FMO1: variants seen among roughly 807,000 people sequenced by gnomAD.
FMO1 encodes the protein flavin-containing monooxygenase 1.
Under a neutral mutation model 45.4 loss-of-function variants are expected in FMO1, and 36 were observed. The observed-to-expected ratio is 0.79, with a 90% CI of 0.61 to 1.05. The LOEUF (loss-of-function observed/expected upper bound fraction) is 1.05, where lower values mean the gene tolerates loss of function less well. Among genes scored for constraint, FMO1 ranks in the 50% least tolerant of loss-of-function variants. The pLI is 0.00. For missense variants in FMO1, 615 were observed against 640.3 expected (o/e 0.96, Z 0.43); for synonymous variants, 228 against 227.2 (o/e 1.00, Z -0.03).
At chr1:171,279,224 T>A (rs562817752) in intron 5 of FMO1, among the ~76,000 whole-genome samples, 2 of 152,104 alleles carry the variant, frequency 1.3e-5, no homozygotes, top group East Asian at 3.9e-4. Context: ...CCCATTCCTC[T>A]CCTTATTAAT....
At chr1:171,278,366 T>C (rs1661197082) in intron 4 of FMO1, among the ~76,000 whole-genome samples, 1 of 152,252 alleles carries the variant, frequency 6.6e-6, no homozygotes, top group African/African-American at 2.4e-5. Context: ...GAAAAGCTTA[T>C]ATAAATCAAG....
intron 2 of FMO1, among the ~76,000 whole-genome samples, chr1:171,264,890 C>T (rs140828907): frequency 6.6e-6 from 1 of 151,712 alleles, no homozygotes; most frequent in Non-Finnish European, 1.5e-5. Flanking sequence ...CAGAGCGAGA[C>T]TCCATCTCAA....
At chr1:171,260,666 C>T (rs576770073) in intron 2 of FMO1, among the ~76,000 whole-genome samples, 1 of 151,996 alleles carries the variant, frequency 6.6e-6, no homozygotes, top group Non-Finnish European at 1.5e-5. Context: ...CACGGTGGCT[C>T]ACGCCTGTAA....
chr1:171,251,360 A>C (rs1054791229), intron 1 of FMO1, among the ~76,000 whole-genome samples: 5 of 151,196 alleles, frequency 3.3e-5, no homozygotes, highest in African/African-American at 1.2e-4. Context: ...ATGTACGTTT[A>C]TTCATCCATT....
chr1:171,284,926 T>G (rs552585629), intron 8 of FMO1, among the ~76,000 whole-genome samples: 1 of 152,196 alleles, frequency 6.6e-6, no homozygotes, highest in South Asian at 2.1e-4. Context: ...TATATTTTCC[T>G]CTAGAAATTG....
chr1:171,274,065 C>T (rs572365000), intron 3 of FMO1, among the ~76,000 whole-genome samples: 1 of 150,926 alleles, frequency 6.6e-6, no homozygotes, highest in South Asian at 2.1e-4. Context: ...AGGAGAATCT[C>T]TTGAACCAGG....
At chr1:171,283,075 C>A (rs1459684980) in intron 7 of FMO1, 69 bp from the exon 8 acceptor site, 1 of 820,884 alleles carries the variant, frequency 1.2e-6, no homozygotes, top group African/African-American at 1.8e-5. Flanking sequence ...AGTAAAGCAT[C>A]TTTATCCATA....
At chr1:171,264,131 C>T (rs1175751799) in intron 2 of FMO1, among the ~76,000 whole-genome samples, 1 of 152,080 alleles carries the variant, frequency 6.6e-6, no homozygotes, top group African/African-American at 2.4e-5. Context: ...GGAAGCGCTT[C>T]ATCTTTCTGC....
intron 4 of FMO1, among the ~76,000 whole-genome samples, chr1:171,277,306 G>A (rs1175341160): frequency 6.6e-6 from 1 of 152,166 alleles, no homozygotes; most frequent in Non-Finnish European, 1.5e-5. Flanking sequence ...CAATTCCAGA[G>A]AAGGTGCACT....
At chr1:171,267,959 T>A (rs1660686334) in intron 3 of FMO1, among the ~76,000 whole-genome samples, 1 of 152,256 alleles carries the variant, frequency 6.6e-6, no homozygotes. Context: ...TAGTTTGCAA[T>A]ACTTATATCC....
chr1:171,260,076 C>T (rs1406201612), intron 2 of FMO1, among the ~76,000 whole-genome samples: 1 of 152,068 alleles, frequency 6.6e-6, no homozygotes, highest in East Asian at 1.9e-4. Flanking sequence ...CAGAAGACAC[C>T]AGGGAGGGTA....
intron 4 of FMO1, among the ~76,000 whole-genome samples, chr1:171,277,650 T>C (rs540042215): frequency 1.3e-5 from 2 of 152,210 alleles, no homozygotes; most frequent in Non-Finnish European, 2.9e-5. Context: ...GAGATAACTG[T>C]ATTTTCTGCT....
chr1:171,261,611 C>T (rs747282013), intron 2 of FMO1, among the ~76,000 whole-genome samples: 23 of 152,168 alleles, frequency 1.5e-4, no homozygotes, highest in African/African-American at 2.2e-4. Context: ...TGGCCAGGCG[C>T]GGTGGCTCAT....
chr1:171,281,888 G>T, intron 6 of FMO1, 90 bp from the exon 7 acceptor site: 1 of 694,896 alleles, frequency 1.4e-6, no homozygotes. Context: ...CAAGGAGAGA[G>T]CCCCAGAATG....
At chr1:171,282,370 G>T (rs12091482) in intron 7 of FMO1, 37 bp downstream of exon 7, 221,090 of 1,387,648 alleles carry the variant, frequency 0.16, 25,206 homozygotes, top group African/African-American at 0.58. Context: ...TGTTTTTGGT[G>T]TGCCATGTGA....
rs181307586 is a variant in FMO1, at chr1:171,278,972, C to T, written c.627+101C>T. On this transcript the variant is annotated intron_variant, in intron 5 of 8. Coordinates refer to ENST00000617670, the MANE Select transcript of FMO1 (RefSeq NM_001282693.2). ...GATAAATGTTAAAGGAATAAAATGT[C>T]TCACATGCAAACAACAGATTACTAA... 725 of 913,160 alleles carry T rather than the reference C, an allele frequency of 7.9e-4. 5 individuals are homozygous for T. The African/African-American group carries it at 0.011, about 13-fold the overall frequency. 56.6% of individuals were successfully genotyped at this position (913,160 alleles called of 1,614,324 possible).
chr1:171,266,312 G>A (rs1660617558), intron 2 of FMO1, among the ~76,000 whole-genome samples: 1 of 152,122 alleles, frequency 6.6e-6, no homozygotes, highest in Non-Finnish European at 1.5e-5. Flanking sequence ...GCTTACTCTT[G>A]ATTTCTGTAT....
intron 3 of FMO1, chr1:171,270,968 C>T (rs1660833304): frequency 1.1e-6 from 1 of 883,026 alleles, no homozygotes; most frequent in African/African-American, 1.7e-5. Context: ...TCATCTTCTT[C>T]ATCTTCATCT....
chr1:171,281,137 T>G (rs2101841972), intron 6 of FMO1, 152 bp downstream of exon 6: 3 of 630,954 alleles, frequency 4.8e-6, no homozygotes, highest in Non-Finnish European at 8.5e-6. Context: ...TAACTGTTCT[T>G]AAGTACTCAG....
Sources: allele counts gnomAD v4.1 joint callset (sites outside exome capture counted in the v4.1 genomes callset), GRCh38; gene constraint gnomAD v4.1.1; transcripts MANE v1.5; gene names NCBI Gene and HGNC (gene_info 2026-07-23, HGNC 2026-07-21).